The following THRB variants were observed in gnomAD, a reference collection of about 807,000 sequenced individuals.
THRB encodes nuclear receptor subfamily 1 group A member 2.
Under a neutral mutation model 47.8 loss-of-function variants are expected in THRB, and 12 were observed. The ratio of observed to expected loss-of-function variants is 0.25; its 90% confidence interval spans 0.16 to 0.41. THRB has a LOEUF of 0.41. THRB is among the 10% of genes least tolerant of loss of function. The pLI is 1.00. For synonymous variants in THRB, 218 were observed against 212.2 expected, an observed-to-expected ratio of 1.03 and a Z score of -0.24; for missense variants, 348 against 589.2, an observed-to-expected ratio of 0.59 and a Z score of 4.24.
chr3:24,262,482 T>C (rs574070021), intron 3 of THRB, among the ~76,000 whole-genome samples: 33 of 152,280 alleles, frequency 2.2e-4, no homozygotes, highest in African/African-American at 7.2e-4. Flanking sequence ...AGTTCCCCAC[T>C]CCCTCTGATT....
At chr3:24,431,453 T>C (rs192367976) in intron 1 of THRB, among the ~76,000 whole-genome samples, 103 of 152,170 alleles carry the variant, frequency 6.8e-4, no homozygotes, top group Non-Finnish European at 1.2e-3. Context: ...GTAAGGTACA[T>C]TTTAGATGGA....
intron 3 of THRB, among the ~76,000 whole-genome samples, chr3:24,240,940 C>T (rs2049423133): frequency 6.6e-6 from 1 of 152,136 alleles, no homozygotes; most frequent in Admixed American, 6.5e-5. Flanking sequence ...CCTTTCCATC[C>T]TGACCAGCAC....
intron 5 of THRB, among the ~76,000 whole-genome samples, chr3:24,154,808 A>T (rs2037558231): frequency 6.6e-6 from 1 of 152,352 alleles, no homozygotes; most frequent in Non-Finnish European, 1.5e-5. Flanking sequence ...GTTATACACA[A>T]TTAATCCAAC....
At chr3:24,248,795 G>C (rs866468460) in intron 3 of THRB, among the ~76,000 whole-genome samples, 3 of 152,140 alleles carry the variant, frequency 2.0e-5, no homozygotes, top group Non-Finnish European at 2.9e-5. Context: ...CCAAGCACCA[G>C]CTCCACAGGA....
intron 2 of THRB, among the ~76,000 whole-genome samples, chr3:24,329,155 GGGT>G (rs2061764711): frequency 6.6e-6 from 1 of 152,014 alleles, no homozygotes; most frequent in Admixed American, 6.5e-5. Context: ...ATGTTGCCTA[GGGT>G]GGTCTCAAAC....
intron 1 of THRB, among the ~76,000 whole-genome samples, chr3:24,376,213 C>T (rs1019621064): frequency 6.6e-6 from 1 of 152,166 alleles, no homozygotes. Context: ...TTTGAAGCCA[C>T]AATTTTAGGC....
intron 6 of THRB, among the ~76,000 whole-genome samples, chr3:24,151,057 A>G (rs1159574039): frequency 6.6e-6 from 1 of 152,224 alleles, no homozygotes. Flanking sequence ...CATAGATGTA[A>G]TGGCAACCTT....
intron 2 of THRB, among the ~76,000 whole-genome samples, chr3:24,324,413 T>A (rs2058680861): frequency 6.6e-6 from 1 of 152,164 alleles, no homozygotes; most frequent in Admixed American, 6.5e-5. Context: ...TCTTTTTACT[T>A]CCAAGCACAC....
chr3:24,454,703 A>G (rs1203652684), intron 1 of THRB, among the ~76,000 whole-genome samples: 4 of 152,188 alleles, frequency 2.6e-5, no homozygotes, highest in Non-Finnish European at 4.4e-5. Flanking sequence ...CTCTCTTCTC[A>G]TAATTCCTAG....
intron 1 of THRB, among the ~76,000 whole-genome samples, chr3:24,451,229 CTT>C (rs71057674): frequency 7.3e-5 from 7 of 95,342 alleles, no homozygotes; most frequent in African/African-American, 1.7e-4. Flanking sequence ...ACTACATGTA[CTT>C]TTTTTTTTTT....
At chr3:24,133,721 G>T (rs2034227758) in intron 8 of THRB, among the ~76,000 whole-genome samples, 2 of 145,224 alleles carry the variant, frequency 1.4e-5, no homozygotes, top group African/African-American at 5.3e-5. Context: ...GAGAGAGAGA[G>T]ATCAGAGAAA....
intron 1 of THRB, among the ~76,000 whole-genome samples, chr3:24,342,426 G>C (rs958790627): frequency 6.6e-6 from 1 of 152,102 alleles, no homozygotes; most frequent in Non-Finnish European, 1.5e-5. Context: ...CCCTGGGGTG[G>C]GGGTCATTCA....
chr3:24,455,632 T>A (rs538276402), intron 1 of THRB, among the ~76,000 whole-genome samples: 1 of 152,348 alleles, frequency 6.6e-6, no homozygotes, highest in African/African-American at 2.4e-5. Flanking sequence ...AAATATTTTT[T>A]ACTTCTATAT....
At chr3:24,475,550 T>C (rs73823303) in intron 1 of THRB, among the ~76,000 whole-genome samples, 2 of 133,778 alleles carry the variant, frequency 1.5e-5, no homozygotes, top group Admixed American at 7.3e-5. Context: ...TAGATAGATA[T>C]AGATAGATAT....
chr3:24,483,289 T>C (rs1045009293), intron 1 of THRB, among the ~76,000 whole-genome samples: 3 of 152,130 alleles, frequency 2.0e-5, no homozygotes, highest in Non-Finnish European at 4.4e-5. Flanking sequence ...TGTCCCATTA[T>C]AGTAAGAAAT....
chr3:24,167,638 A>T (rs568070608), intron 5 of THRB, among the ~76,000 whole-genome samples: 10 of 152,296 alleles, frequency 6.6e-5, no homozygotes, highest in Admixed American at 3.9e-4. Flanking sequence ...GCAAATGCAC[A>T]TGTTCCAAAG....
intron 1 of THRB, among the ~76,000 whole-genome samples, chr3:24,395,034 A>C (rs1442472767): frequency 1.3e-5 from 2 of 152,084 alleles, no homozygotes; most frequent in Non-Finnish European, 2.9e-5. Context: ...ATTGATGAGG[A>C]GGCTATTTTA....
intron 1 of THRB, among the ~76,000 whole-genome samples, chr3:24,425,874 C>A (rs539954869): frequency 6.6e-6 from 1 of 152,028 alleles, no homozygotes; most frequent in Admixed American, 6.6e-5. Context: ...ACAAAAATAA[C>A]CTCTACCTCA....
chr3:24,251,128 C>A (rs1234409112), intron 3 of THRB, among the ~76,000 whole-genome samples: 1 of 151,966 alleles, frequency 6.6e-6, no homozygotes, highest in Admixed American at 6.6e-5. Context: ...TAAATAGAAG[C>A]CTTATTGCTA....
Sources: allele counts gnomAD v4.1 joint callset (sites outside exome capture counted in the v4.1 genomes callset), GRCh38; gene constraint gnomAD v4.1.1; transcripts MANE v1.5; gene names NCBI Gene and HGNC (gene_info 2026-07-23, HGNC 2026-07-21).